Variants in FILIP1L observed in about 807,000 individuals in gnomAD.
FILIP1L encodes the protein filamin A interacting protein 1 like.
In FILIP1L, 55 loss-of-function variants were observed where a neutral mutation model predicts 96.6. The ratio of observed to expected loss-of-function variants is 0.57; its 90% confidence interval spans 0.46 to 0.71. The LOEUF is 0.71. FILIP1L is among the 30% of genes least tolerant of loss of function. The pLI is 0.00. For missense variants in FILIP1L, 1,304 were observed against 1,321.2 expected (o/e 0.99, Z 0.20); for synonymous variants, 467 against 473.9 (o/e 0.99, Z 0.19).
intron 1 of FILIP1L, among the ~76,000 whole-genome samples, chr3:99,946,921 G>A (rs1708025347): frequency 6.6e-6 from 1 of 152,058 alleles, no homozygotes; most frequent in Admixed American, 6.6e-5. Context: ...GATCTCCTGA[G>A]GTCTGGAGTT....
chr3:99,937,969 G>A (rs1707733202), intron 1 of FILIP1L, among the ~76,000 whole-genome samples: 1 of 152,184 alleles, frequency 6.6e-6, no homozygotes, highest in South Asian at 2.1e-4. Context: ...AATTAAGGTG[G>A]AGACTCTCAT....
At chr3:100,019,668 A>G (rs1287078126) in intron 1 of FILIP1L, among the ~76,000 whole-genome samples, 1 of 152,076 alleles carries the variant, frequency 6.6e-6, no homozygotes, top group Non-Finnish European at 1.5e-5. Context: ...TTCCTTTTCT[A>G]TGTAAAACTC....
intron 4 of FILIP1L, among the ~76,000 whole-genome samples, chr3:99,887,947 C>T (rs984162087): frequency 2.0e-5 from 3 of 152,154 alleles, no homozygotes; most frequent in Admixed American, 6.5e-5. Flanking sequence ...GCCATGTTGC[C>T]CAGGCTCATC....
rs571336711 is a variant in FILIP1L, at chr3:99,942,899, G to A, written c.-10-11869C>T. On this transcript the variant is annotated intron_variant, in intron 1 of 5. Transcript: ENST00000477258. ...AAAGAGAGTGCCATGGGGGAAAGGG[G>A]AGAAAAGAAGAAGGAAGGCACCAAG... Among the ~76,000 whole-genome samples the A allele has an allele frequency of 4.6e-5, 7 of 152,182 alleles. No individual in the cohort carries two copies. The East Asian group carries it at 1.4e-3, about 29-fold the overall frequency.
chr3:100,106,242 A>C (rs2066393519), intron 1 of FILIP1L, among the ~76,000 whole-genome samples: 1 of 152,160 alleles, frequency 6.6e-6, no homozygotes, highest in Non-Finnish European at 1.5e-5. Flanking sequence ...CAGAGGTGCA[A>C]GCTTCCAGCT....
At chr3:100,004,117 T>C (rs1709920756) in intron 1 of FILIP1L, among the ~76,000 whole-genome samples, 1 of 152,196 alleles carries the variant, frequency 6.6e-6, no homozygotes, top group African/African-American at 2.4e-5. Context: ...AGTATTGGCT[T>C]CCTGCATGAT....
chr3:100,103,812 T>C (rs1415516744), intron 1 of FILIP1L, among the ~76,000 whole-genome samples: 1 of 152,326 alleles, frequency 6.6e-6, no homozygotes, highest in African/African-American at 2.4e-5. Context: ...AAGATAAATC[T>C]GTCTGTGTTA....
At chr3:99,841,049 C>A (rs901742918) in intron 5 of FILIP1L, among the ~76,000 whole-genome samples, 6 of 152,170 alleles carry the variant, frequency 3.9e-5, no homozygotes, top group African/African-American at 1.4e-4. Context: ...TAATATCTGC[C>A]CCAGTGGCAA....
chr3:100,066,331 C>T (rs1183095605), intron 1 of FILIP1L, among the ~76,000 whole-genome samples: 2 of 152,142 alleles, frequency 1.3e-5, no homozygotes, highest in Non-Finnish European at 2.9e-5. Flanking sequence ...TTTCAGATGA[C>T]AGTTACACTT....
chr3:100,009,407 T>TA (rs995905813), intron 1 of FILIP1L, among the ~76,000 whole-genome samples: 43 of 152,318 alleles, frequency 2.8e-4, no homozygotes, highest in African/African-American at 7.9e-4. Context: ...CTGCTCCTGT[T>TA]AGCAACCTGA....
chr3:99,930,415 C>T (rs534865679), intron 2 of FILIP1L, among the ~76,000 whole-genome samples: 1 of 152,222 alleles, frequency 6.6e-6, no homozygotes, highest in East Asian at 1.9e-4. Flanking sequence ...AGTCTAGGAG[C>T]CAGTTCACTT....
intron 4 of FILIP1L, among the ~76,000 whole-genome samples, chr3:99,871,538 G>A (rs551554587): frequency 6.6e-6 from 1 of 152,298 alleles, no homozygotes; most frequent in Non-Finnish European, 1.5e-5. Flanking sequence ...ACAGTGCACA[G>A]TTTGAAGGAA....
At chr3:99,912,861 G>A (rs1040664996) in intron 4 of FILIP1L, among the ~76,000 whole-genome samples, 1 of 152,148 alleles carries the variant, frequency 6.6e-6, no homozygotes, top group Non-Finnish European at 1.5e-5. Context: ...TCTTAGGTGT[G>A]TACCTAAGAG....
At chr3:99,892,780 G>A (rs929843955) in intron 4 of FILIP1L, among the ~76,000 whole-genome samples, 1 of 152,196 alleles carries the variant, frequency 6.6e-6, no homozygotes, top group African/African-American at 2.4e-5. Flanking sequence ...CTGCCAAAGG[G>A]AAAGAGAATG....
At chr3:99,858,240 C>T (rs1172470394) in intron 4 of FILIP1L, among the ~76,000 whole-genome samples, 1 of 151,830 alleles carries the variant, frequency 6.6e-6, no homozygotes, top group African/African-American at 2.4e-5. Context: ...CTGAGGCAGG[C>T]GGATCATGAG....
intron 5 of FILIP1L, among the ~76,000 whole-genome samples, chr3:99,839,791 C>T (rs187328582): frequency 2.2e-4 from 33 of 152,278 alleles, no homozygotes; most frequent in Admixed American, 1.2e-3. Flanking sequence ...CAAAACTCTT[C>T]AGTATAGGTT....
At position 99,850,454 on chromosome 3, in the gene FILIP1L, A is replaced by T. The variant is rs778252258; in HGVS notation, c.1222T>A (p.Leu408Ile). ...TCTAGTTTAAAGTCTTTACTCTGTA[A>T]CGTCTCCCTTTCAAGCCTCTTATTG... ...DLNKRLERET[L>I]QSKDFKLEVE... Residue 408 changes from leucine to isoleucine, a missense_variant, in exon 5 of 6, where the codon TTA (leucine) becomes ATA (isoleucine). Coordinates refer to ENST00000477258, the MANE Select transcript of FILIP1L (RefSeq NM_001387850.1). 6.2e-7 allele frequency: 1 copy of T among 1,613,968 alleles called. No individual in the cohort carries two copies. Among genetic ancestry groups the T allele is most frequent in the South Asian group, 1.1e-5 (1 of 91,032 alleles).
At chr3:100,017,694 C>T (rs9810235) in intron 1 of FILIP1L, among the ~76,000 whole-genome samples, 28,115 of 150,684 alleles carry the variant, frequency 0.19, 2,939 homozygotes, top group South Asian at 0.26. Flanking sequence ...GGAGGCCCAG[C>T]GGGGAGGATC....
intron 1 of FILIP1L, among the ~76,000 whole-genome samples, chr3:99,965,511 TC>T (rs1708623343): frequency 6.6e-6 from 1 of 152,174 alleles, no homozygotes; most frequent in Admixed American, 6.5e-5. Context: ...CTGAATTTCT[TC>T]CAGATACTTT....
Sources: allele counts gnomAD v4.1 joint callset (sites outside exome capture counted in the v4.1 genomes callset), GRCh38; gene constraint gnomAD v4.1.1; transcripts MANE v1.5; gene names NCBI Gene and HGNC (gene_info 2026-07-23, HGNC 2026-07-21).